CKAP2L: variants seen among roughly 807,000 people sequenced by gnomAD.
CKAP2L encodes the protein cytoskeleton associated protein 2L.
In CKAP2L, 42 loss-of-function variants were observed where a neutral mutation model predicts 65.7. The observed-to-expected ratio is 0.64, with a 90% CI of 0.50 to 0.83. The LOEUF is 0.83. Among genes scored for constraint, CKAP2L ranks in the 40% least tolerant of loss-of-function variants. The pLI is 0.00. For missense variants in CKAP2L, 908 were observed against 871.0 expected, an observed-to-expected ratio of 1.04 and a Z score of -0.53; for synonymous variants, 325 against 313.5, an observed-to-expected ratio of 1.04 and a Z score of -0.39.
In CKAP2L at chr2:112,752,324, G is replaced by A. The variant is rs769481338; in HGVS notation, c.1545C>T (p.Leu515=). Residue 515 remains leucine (L), a synonymous_variant, in exon 5 of 9, where the codon CTC becomes CTT. Transcript: ENST00000302450. ...EKEEEEKKAQ[L]ELSSKINNTL... ...TGTTGTTAATTTTACTGGACAGTTC[G>A]AGTTGTGCTTTCTTTTCTTCCTCTT... 15 of 1,613,822 alleles carry A rather than the reference G, an allele frequency of 9.3e-6. No homozygotes were observed. The highest frequency in any genetic ancestry group is 6.7e-5 in the East Asian group (3 of 44,860).
chr2:112,739,066 A>G lies in CKAP2L; in HGVS notation c.2013-18T>C. 1 of 1,569,978 alleles carries G rather than the reference A, an allele frequency of 6.4e-7. No individual in the cohort carries two copies. The highest frequency in any genetic ancestry group is 8.8e-7 in the Non-Finnish European group (1 of 1,141,990). On this transcript the variant is annotated intron_variant, in intron 8 of 8. Transcript: ENST00000302450. Reference sequence around the variant, plus strand: ...CATTTATTCTGAGAGACAGCAAGAGATGCATTAAAAACCTTATCATTTAAA... The same window carrying G: ...CATTTATTCTGAGAGACAGCAAGAGGTGCATTAAAAACCTTATCATTTAAA...
At chr2:112,747,068 C>CA (rs1680225646) in intron 5 of CKAP2L, among the ~76,000 whole-genome samples, 1 of 150,350 alleles carries the variant, frequency 6.7e-6, no homozygotes, top group Non-Finnish European at 1.5e-5. Context: ...GGATTACAGG[C>CA]ATGAGCCACC....
At position 112,743,153 on chromosome 2, in the gene CKAP2L, A is replaced by G. The variant is rs570455676; in HGVS notation, c.1759-384T>C. ...ATGCATTTTATATATAGATATAGAT[A>G]TATTTTCTTGAGACAGAGTCTTACT... On this transcript the variant is annotated intron_variant, in intron 6 of 8. Transcript: ENST00000302450. 3.9e-5 allele frequency among the ~76,000 whole-genome samples: 6 copies of G among 152,202 alleles called. No homozygotes were observed. In the South Asian group the frequency reaches 1.0e-3, roughly 26 times the overall value.
intron 6 of CKAP2L, 136 bp from the exon 7 acceptor site, chr2:112,742,905 C>T: frequency 1.6e-6 from 1 of 609,570 alleles, no homozygotes; most frequent in Non-Finnish European, 2.8e-6. Context: ...AATCTTTTGT[C>T]TAGCTTGACA....
At chr2:112,745,603 G>A (rs1163680974) in intron 6 of CKAP2L, among the ~76,000 whole-genome samples, 2 of 152,030 alleles carry the variant, frequency 1.3e-5, no homozygotes, top group Admixed American at 1.3e-4. Context: ...AAATGGTCTC[G>A]ATCTCCTGAC....
chr2:112,759,618 C>G (rs1359361575), intron 3 of CKAP2L, among the ~76,000 whole-genome samples: 1 of 152,134 alleles, frequency 6.6e-6, no homozygotes, highest in East Asian at 1.9e-4. Flanking sequence ...GACTTGCATA[C>G]TATACTGGTT....
intron 2 of CKAP2L, 50 bp downstream of exon 2, chr2:112,762,453 A>T: frequency 7.3e-7 from 1 of 1,362,678 alleles, no homozygotes. Flanking sequence ...TTAAATTGCT[A>T]GTACAAAGAA....
intron 5 of CKAP2L, among the ~76,000 whole-genome samples, chr2:112,750,777 A>T (rs1220486057): frequency 6.6e-6 from 1 of 151,650 alleles, no homozygotes; most frequent in African/African-American, 2.4e-5. Flanking sequence ...CTGCTATAGC[A>T]CTGAACATAT....
At chr2:112,742,996 G>GT (rs1289887082) in intron 6 of CKAP2L, 1 of 501,416 alleles carries the variant, frequency 2.0e-6, no homozygotes, top group Non-Finnish European at 3.5e-6. Context: ...ATGAACAGAT[G>GT]TATTTAAAGT....
chr2:112,763,255 T>A (rs1573241823), intron 1 of CKAP2L, among the ~76,000 whole-genome samples: 2 of 152,298 alleles, frequency 1.3e-5, no homozygotes, highest in Admixed American at 1.3e-4. Flanking sequence ...TGTTCTCAGC[T>A]ACAACAGTCT....
At chr2:112,747,842 A>T (rs995184986) in intron 5 of CKAP2L, among the ~76,000 whole-genome samples, 24 of 152,286 alleles carry the variant, frequency 1.6e-4, no homozygotes, top group African/African-American at 5.8e-4. Flanking sequence ...TTTTAAGAGT[A>T]TCACAGTCAA....
At chr2:112,762,376 C>A in intron 2 of CKAP2L, 127 bp downstream of exon 2, 1 of 700,984 alleles carries the variant, frequency 1.4e-6, no homozygotes, top group Non-Finnish European at 2.5e-6. Flanking sequence ...GCTCTTTTTG[C>A]GTTATCATAG....
chr2:112,743,431 T>C (rs1680093176), intron 6 of CKAP2L, among the ~76,000 whole-genome samples: 1 of 152,122 alleles, frequency 6.6e-6, no homozygotes, highest in South Asian at 2.1e-4. Context: ...AGTGAGCCAC[T>C]GTACCTGGCC....
chr2:112,749,798 CTG>C (rs1356085204), intron 5 of CKAP2L, among the ~76,000 whole-genome samples: 2 of 152,210 alleles, frequency 1.3e-5, no homozygotes, highest in Non-Finnish European at 2.9e-5. Flanking sequence ...GGATAAAACT[CTG>C]TAAAACTTTC....
chr2:112,756,691 A>C lies in CKAP2L; in HGVS notation c.680T>G (p.Leu227Trp). ...TKNSLVPKQA[L>W]GKSSVNSAVL... Reference sequence around the variant, plus strand: ...AGCACTATTAACTGAACTTTTGCCCAAGGCTTGTTTAGGAACTAAACTGTT... The same window carrying C: ...AGCACTATTAACTGAACTTTTGCCCCAGGCTTGTTTAGGAACTAAACTGTT... Residue 227 changes from leucine (L) to tryptophan (W), a missense_variant, in exon 4 of 9, where the codon TTG (leucine) becomes TGG (tryptophan). Leu to Trp is a moderately conservative substitution (Grantham distance 61). Transcript: ENST00000302450. The C allele has an allele frequency of 1.9e-6, 3 of 1,593,762 alleles. No individual in the cohort carries two copies. Among genetic ancestry groups the C allele is most frequent in the Non-Finnish European group, 2.6e-6 (3 of 1,172,780 alleles).
chr2:112,739,900 T>C (rs942451638), intron 8 of CKAP2L, among the ~76,000 whole-genome samples: 10 of 152,158 alleles, frequency 6.6e-5, no homozygotes, highest in African/African-American at 2.4e-4. Context: ...GTAATCCTCC[T>C]GCCTCGGCCT....
intron 5 of CKAP2L, 145 bp downstream of exon 5, chr2:112,752,122 T>A (rs1374518690): frequency 4.9e-6 from 3 of 618,236 alleles, no homozygotes; most frequent in Middle Eastern, 6.6e-4. Context: ...TATGGGCATG[T>A]CATTATTATT....
intron 4 of CKAP2L, 33 bp downstream of exon 4, chr2:112,755,944 A>C: frequency 6.6e-7 from 1 of 1,520,580 alleles, no homozygotes; most frequent in Non-Finnish European, 8.8e-7. Flanking sequence ...TAATCATCTT[A>C]AGTTGCAAAA....
At chr2:112,752,685 C>A (rs918992409) in intron 4 of CKAP2L, among the ~76,000 whole-genome samples, 1 of 152,178 alleles carries the variant, frequency 6.6e-6, no homozygotes. Context: ...ATTCTAAGAT[C>A]ACACGTGGCC....
Sources: gnomAD v4.1 joint callset for allele counts (sites outside exome capture counted in the v4.1 genomes callset) on GRCh38, gnomAD v4.1.1 for gene constraint, MANE v1.5 for transcripts, NCBI Gene and HGNC (gene_info 2026-07-23, HGNC 2026-07-21) for gene names.